The following RORB variants were observed in gnomAD, a reference collection of about 807,000 sequenced individuals.
RORB encodes the protein nuclear receptor ROR-beta.
Under a neutral mutation model 59.1 loss-of-function variants are expected in RORB, and 6 were observed. The observed-to-expected ratio is 0.10, with a 90% CI of 0.06 to 0.20. The LOEUF (loss-of-function observed/expected upper bound fraction) is 0.20. RORB is among the 10% of genes least tolerant of loss of function. RORB has a pLI of 1.00. For synonymous variants in RORB, 215 were observed against 204.5 expected (o/e 1.05, Z -0.44); for missense variants, 320 against 560.5 (o/e 0.57, Z 4.33).
chr9:74,663,562 C>T (rs896252848), intron 6 of RORB, among the ~76,000 whole-genome samples: 18 of 152,166 alleles, frequency 1.2e-4, no homozygotes, highest in African/African-American at 4.3e-4. Context: ...TCATCTAAAC[C>T]ACTGCAAAAT....
chr9:74,679,400 C>G (rs781435200), intron 9 of RORB, among the ~76,000 whole-genome samples: 1 of 152,144 alleles, frequency 6.6e-6, no homozygotes, highest in Non-Finnish European at 1.5e-5. Flanking sequence ...AAACTGGCAT[C>G]CCCAAAGCTT....
At chr9:74,571,468 G>C (rs1822550812) in intron 1 of RORB, among the ~76,000 whole-genome samples, 1 of 150,938 alleles carries the variant, frequency 6.6e-6, no homozygotes, top group African/African-American at 2.4e-5. Flanking sequence ...CCAAAAAAAG[G>C]GTAGAATTCT....
intron 4 of RORB, among the ~76,000 whole-genome samples, chr9:74,656,068 T>C (rs1824073950): frequency 2.0e-5 from 3 of 152,216 alleles, no homozygotes; most frequent in African/African-American, 7.2e-5. Context: ...TTCAAAGCCA[T>C]TCTGAGTGCT....
intron 1 of RORB, among the ~76,000 whole-genome samples, chr9:74,504,881 G>T (rs1252108805): frequency 3.3e-5 from 5 of 151,904 alleles, no homozygotes; most frequent in Non-Finnish European, 7.4e-5. Context: ...TTTAAATTGT[G>T]TATTTAAAAA....
chr9:74,541,684 G>A (rs1360597539), intron 1 of RORB, among the ~76,000 whole-genome samples: 1 of 152,124 alleles, frequency 6.6e-6, no homozygotes, highest in South Asian at 2.1e-4. Context: ...TATTTGGGTA[G>A]AAAAATAAGC....
intron 1 of RORB, among the ~76,000 whole-genome samples, chr9:74,533,557 GT>G (rs1218417750): frequency 6.6e-6 from 1 of 151,966 alleles, no homozygotes; most frequent in Non-Finnish European, 1.5e-5. Context: ...GTATTATTTT[GT>G]TGTCTTTTAA....
chr9:74,616,375 T>G (rs903893701), intron 1 of RORB, among the ~76,000 whole-genome samples: 2 of 152,210 alleles, frequency 1.3e-5, no homozygotes, highest in Non-Finnish European at 2.9e-5. Flanking sequence ...AAAAAGTTCC[T>G]GATCAAACTA....
intron 1 of RORB, among the ~76,000 whole-genome samples, chr9:74,546,204 G>A (rs146214369): frequency 1.4e-4 from 21 of 152,298 alleles, no homozygotes; most frequent in South Asian, 6.2e-4. Context: ...AGAGAAGCTC[G>A]GAGGTTCCCG....
Position 74,676,319 on chromosome 9 carries a change from G to T in RORB, c.1224+4418G>T, listed in dbSNP as rs550340736. Among the ~76,000 whole-genome samples, 3 of 152,286 alleles carry T rather than the reference G, an allele frequency of 2.0e-5. No homozygotes were observed. The East Asian group carries it at 5.8e-4, about 29-fold the overall frequency. ...GAAAATAGATACAACACTCCTGGAG[G>T]TGTGTTCTTGCCCAAAGCTGTATTG... On this transcript the variant is annotated intron_variant, in intron 9 of 9. Transcript: ENST00000376896.
At chr9:74,634,602 T>C in intron 2 of RORB, 29 bp from the exon 3 acceptor site, 1 of 1,574,982 alleles carries the variant, frequency 6.3e-7, no homozygotes, top group South Asian at 1.2e-5. Flanking sequence ...TATAAATCTG[T>C]TTCCCTCCCC....
At chr9:74,542,141 TAAC>T (rs1826416499) in intron 1 of RORB, among the ~76,000 whole-genome samples, 1 of 151,848 alleles carries the variant, frequency 6.6e-6, no homozygotes, top group Admixed American at 6.6e-5. Context: ...AAATATAAAT[TAAC>T]AATCAAAAAT....
intron 1 of RORB, among the ~76,000 whole-genome samples, chr9:74,610,008 G>C (rs1325820324): frequency 6.6e-6 from 1 of 152,188 alleles, no homozygotes; most frequent in Non-Finnish European, 1.5e-5. Context: ...TCTAGAACCT[G>C]CCTTTTGGCA....
chr9:74,572,880 G>T (rs1822573719), intron 1 of RORB, among the ~76,000 whole-genome samples: 1 of 152,092 alleles, frequency 6.6e-6, no homozygotes, highest in Admixed American at 6.6e-5. Context: ...TGGCACAAAG[G>T]GTAAGAATGT....
chr9:74,579,002 G>C (rs546043274), intron 1 of RORB, among the ~76,000 whole-genome samples: 19 of 152,250 alleles, frequency 1.2e-4, no homozygotes, highest in Middle Eastern at 3.4e-3. Flanking sequence ...TATATGAGTA[G>C]ATGAATGTCT....
chr9:74,630,421 C>G, intron 2 of RORB, 54 bp downstream of exon 2: 1 of 1,343,700 alleles, frequency 7.4e-7, no homozygotes, highest in Non-Finnish European at 1.0e-6. Flanking sequence ...ATCTGTGTAC[C>G]TCACAAGATG....
rs536456209 is a variant in RORB at position 74,657,998 on chromosome 9, C to T, written c.638-2619C>T. 8.1e-3 allele frequency among the ~76,000 whole-genome samples: 636 copies of T among 78,574 alleles called. 15 individuals are homozygous for T. The highest frequency in any genetic ancestry group is 0.032 in the African/African-American group (601 of 18,856). 51.5% of individuals were successfully genotyped at this position (78,574 alleles called of 152,430 possible). A position where few individuals can be genotyped will look rare whatever the true frequency, so the allele number is the denominator to read the frequency against. On this transcript the variant is annotated intron_variant, in intron 4 of 9. Coordinates refer to ENST00000376896, the MANE Select transcript of RORB (RefSeq NM_006914.4). Reference sequence around the variant, plus strand: ...CCAGCCGGGGCAACACAGTGAGACTCGGTCTCAAAAAAAAAAAAAAAAAAA... The same window carrying T: ...CCAGCCGGGGCAACACAGTGAGACTTGGTCTCAAAAAAAAAAAAAAAAAAA...
intron 1 of RORB, among the ~76,000 whole-genome samples, chr9:74,516,788 T>G (rs1399133483): frequency 6.6e-6 from 1 of 152,082 alleles, no homozygotes; most frequent in Non-Finnish European, 1.5e-5. Flanking sequence ...GCACTTGATT[T>G]GAGTCTGGTG....
chr9:74,667,465 T>G (rs1824285652), intron 7 of RORB, among the ~76,000 whole-genome samples: 1 of 152,244 alleles, frequency 6.6e-6, no homozygotes, highest in South Asian at 2.1e-4. Context: ...TATTTTATAT[T>G]CTTTAATGTG....
At chr9:74,537,487 C>A (rs1240441389) in intron 1 of RORB, among the ~76,000 whole-genome samples, 3 of 151,182 alleles carry the variant, frequency 2.0e-5, no homozygotes, top group Non-Finnish European at 4.4e-5. Context: ...GTTTTTTTAA[C>A]AAGAGTTGAA....
Sources: gnomAD v4.1 joint callset for allele counts (sites outside exome capture counted in the v4.1 genomes callset) on GRCh38, gnomAD v4.1.1 for gene constraint, MANE v1.5 for transcripts, NCBI Gene and HGNC (gene_info 2026-07-23, HGNC 2026-07-21) for gene names.